Variants in PBX1 observed in about 807,000 individuals in gnomAD.
PBX1 encodes pre-B-cell leukemia transcription factor 1.
In PBX1, 6 loss-of-function variants were observed where a neutral mutation model predicts 53.4. The observed-to-expected ratio is 0.11, with a 90% CI of 0.06 to 0.22. The LOEUF (loss-of-function observed/expected upper bound fraction) is 0.22, where lower values mean the gene tolerates loss of function less well. PBX1 is among the 10% of genes least tolerant of loss of function. The pLI, the probability that PBX1 is intolerant of heterozygous loss-of-function variation, is 1.00. For missense variants in PBX1, 251 were observed against 551.4 expected, an observed-to-expected ratio of 0.46 and a Z score of 5.46; for synonymous variants, 204 against 212.3, an observed-to-expected ratio of 0.96 and a Z score of 0.34.
rs1669426403 is a variant in PBX1 at position 164,807,764 on chromosome 1, C to T, written c.837+87C>T. The stretch of plus-strand genomic sequence containing the variant: ...CTCTTAGAGGTCTTGCTTTACTGGA[C>T]ATTCATGCCTTGCAAGTTCCATCAG... On this transcript the variant is annotated intron_variant, in intron 5 of 8. Transcript: ENST00000420696. The T allele has an allele frequency of 2.1e-6, 3 of 1,436,828 alleles. No homozygotes were observed. In the African/African-American group the frequency reaches 4.3e-5, roughly 20 times the overall value. The allele number at this position is 1,436,828 out of a possible 1,614,324, so 89.0% of individuals were successfully genotyped here.
intron 2 of PBX1, among the ~76,000 whole-genome samples, chr1:164,657,705 A>C (rs1660244747): frequency 6.6e-6 from 1 of 152,214 alleles, no homozygotes; most frequent in Admixed American, 6.5e-5. Flanking sequence ...AGTTTTCTCA[A>C]GTAGAAAGAA....
chr1:164,812,879 A>G (rs1669686797), intron 6 of PBX1: 1 of 152,198 alleles, frequency 6.6e-6, no homozygotes, highest in African/African-American at 2.4e-5. Context: ...TGCAAAAAAT[A>G]TAACCTTTGT....
At chr1:164,811,112 G>A (rs562322977) in intron 5 of PBX1, among the ~76,000 whole-genome samples, 5 of 152,070 alleles carry the variant, frequency 3.3e-5, no homozygotes, top group Admixed American at 6.5e-5. Flanking sequence ...TAAAAACATC[G>A]ACATTTTAGT....
At chr1:164,782,125 TC>T (rs1390605908) in intron 2 of PBX1, among the ~76,000 whole-genome samples, 2 of 152,214 alleles carry the variant, frequency 1.3e-5, no homozygotes, top group African/African-American at 4.8e-5. Context: ...TGGGCTGGTC[TC>T]CAGGGTGTGA....
intron 2 of PBX1, among the ~76,000 whole-genome samples, chr1:164,615,421 CT>C (rs1362050850): frequency 6.6e-6 from 1 of 151,658 alleles, no homozygotes. Context: ...TAATAACATT[CT>C]TTTTTTTAGA....
At chr1:164,630,350 A>G (rs1434963148) in intron 2 of PBX1, among the ~76,000 whole-genome samples, 2 of 152,148 alleles carry the variant, frequency 1.3e-5, no homozygotes, top group African/African-American at 4.8e-5. Flanking sequence ...GAGACAGATA[A>G]TGCTCTGTTT....
chr1:164,758,657 C>G (rs1571349284), intron 2 of PBX1, among the ~76,000 whole-genome samples: 1 of 152,138 alleles, frequency 6.6e-6, no homozygotes, highest in Non-Finnish European at 1.5e-5. Context: ...AAATTACCAT[C>G]TAAAAGTATA....
chr1:164,641,648 G>A (rs1053004734), intron 2 of PBX1: 5 of 152,250 alleles, frequency 3.3e-5, no homozygotes, highest in African/African-American at 1.2e-4. Flanking sequence ...TAGCAGGCCT[G>A]AGGGATAACT....
chr1:164,882,707 T>C (rs1364176856), intron 2 of PBX1, among the ~76,000 whole-genome samples: 1 of 152,178 alleles, frequency 6.6e-6, no homozygotes, highest in Non-Finnish European at 1.5e-5. Flanking sequence ...CTCAAAATAC[T>C]GGGATTACAG....
At chr1:164,661,697 G>T (rs1660503171) in intron 2 of PBX1, among the ~76,000 whole-genome samples, 1 of 152,120 alleles carries the variant, frequency 6.6e-6, no homozygotes. Context: ...AAAGTGCTGG[G>T]ATTACAGGCG....
At chr1:164,687,149 G>C (rs1172325547) in intron 2 of PBX1, among the ~76,000 whole-genome samples, 3 of 152,148 alleles carry the variant, frequency 2.0e-5, no homozygotes, top group Non-Finnish European at 2.9e-5. Flanking sequence ...TTTGTATGCA[G>C]AGTATTAACA....
intron 2 of PBX1, among the ~76,000 whole-genome samples, chr1:164,603,361 T>C (rs1233532952): frequency 1.3e-5 from 2 of 152,194 alleles, no homozygotes; most frequent in Non-Finnish European, 2.9e-5. Flanking sequence ...CTCTGTCCCA[T>C]GTATTAAAAA....
intron 2 of PBX1, among the ~76,000 whole-genome samples, chr1:164,633,158 T>C (rs1206406547): frequency 2.0e-5 from 3 of 152,010 alleles, no homozygotes; most frequent in Non-Finnish European, 2.9e-5. Flanking sequence ...TCTTTTCTTT[T>C]TTTTTTTTTG....
chr1:164,825,388 G>A (rs952857413), intron 8 of PBX1, among the ~76,000 whole-genome samples: 10 of 152,122 alleles, frequency 6.6e-5, no homozygotes, highest in East Asian at 1.9e-4. Flanking sequence ...CTGCCCATGT[G>A]TATGGTCCTA....
At chr1:164,702,977 A>C (rs1364011318) in intron 2 of PBX1, 1 of 151,606 alleles carries the variant, frequency 6.6e-6, no homozygotes, top group Non-Finnish European at 1.5e-5. Flanking sequence ...ATATCTTTGG[A>C]TTTTTGAAAA....
rs906003080 is a variant in PBX1, at chr1:164,739,764, T to C, written c.266-52730T>C. On this transcript the variant is annotated intron_variant, in intron 2 of 8. Transcript: ENST00000420696. ...TGAAGTGGTTGTGCATGTGTGTGTG[T>C]GTGTGTGTGTGTGTGTGTGTGTGTG... Among the ~76,000 whole-genome samples, 176 of 106,970 alleles carry C rather than the reference T, an allele frequency of 1.6e-3. 1 individual carries two copies. Among genetic ancestry groups the C allele is most frequent in the South Asian group, 0.01 (21 of 2,064 alleles). The allele number at this position is 106,970 out of a possible 152,430, so 70.2% of individuals were successfully genotyped here.
At chr1:164,564,313 A>AGAT (rs1557862701) in intron 2 of PBX1, among the ~76,000 whole-genome samples, 2 of 152,122 alleles carry the variant, frequency 1.3e-5, no homozygotes, top group African/African-American at 4.8e-5. Flanking sequence ...ATTCATATCT[A>AGAT]AACCATATAA....
chr1:164,819,475 G>A (rs1345118390), intron 6 of PBX1: 1 of 152,122 alleles, frequency 6.6e-6, no homozygotes, highest in Non-Finnish European at 1.5e-5. Flanking sequence ...TTGGGCTGTT[G>A]CCACCCTGCA....
At chr1:164,642,830 G>A (rs1176855259) in intron 2 of PBX1, 1 of 152,116 alleles carries the variant, frequency 6.6e-6, no homozygotes, top group African/African-American at 2.4e-5. Context: ...TCATTCTAAG[G>A]TAACGAGCCA....
Sources: allele counts gnomAD v4.1 joint callset (sites outside exome capture counted in the v4.1 genomes callset), GRCh38; gene constraint gnomAD v4.1.1; transcripts MANE v1.5; gene names NCBI Gene and HGNC (gene_info 2026-07-23, HGNC 2026-07-21).